MYO1H: variants seen among roughly 807,000 people sequenced by gnomAD.
The protein encoded by MYO1H is unconventional myosin-Ih.
A neutral mutation model predicts 149.3 loss-of-function variants in MYO1H; 118 were observed. The observed-to-expected ratio is 0.79, with a 90% CI of 0.68 to 0.92. The LOEUF (loss-of-function observed/expected upper bound fraction) is 0.92. MYO1H is among the 40% of genes least tolerant of loss of function. MYO1H has a pLI of 0.00. For synonymous variants in MYO1H, 447 were observed against 465.2 expected (o/e 0.96, Z 0.50); for missense variants, 1,212 against 1,280.7 (o/e 0.95, Z 0.82).
chr12:109,388,577 G>T, intron 1 of MYO1H, 106 bp from the exon 2 acceptor site: 1 of 1,011,290 alleles, frequency 9.9e-7, no homozygotes. Flanking sequence ...TTTAATGCTG[G>T]CTCTCTACTA....
At chr12:109,446,097 A>C (rs1374494912) in intron 31 of MYO1H, 2 of 985,196 alleles carry the variant, frequency 2.0e-6, no homozygotes, top group African/African-American at 3.5e-5. Flanking sequence ...GAAAATATAA[A>C]GTTGCTTTTT....
intron 7 of MYO1H, among the ~76,000 whole-genome samples, chr12:109,405,248 G>C (rs12830533): frequency 0.25 from 37,574 of 151,968 alleles, 5,566 homozygotes; most frequent in East Asian, 0.39. Context: ...TAGATAGATA[G>C]ATAATGTTAT....
chr12:109,408,140 C>A (rs779871609), intron 10 of MYO1H, among the ~76,000 whole-genome samples: 3 of 151,998 alleles, frequency 2.0e-5, no homozygotes, highest in Non-Finnish European at 4.4e-5. Context: ...TTGTGGTATG[C>A]CAGATAGCTT....
At chr12:109,377,547 G>T (rs1035317941) in intron 1 of MYO1H, among the ~76,000 whole-genome samples, 5 of 152,138 alleles carry the variant, frequency 3.3e-5, no homozygotes, top group African/African-American at 7.2e-5. Context: ...CAACACTGGG[G>T]ATCAGGTTTC....
At chr12:109,338,064 T>C in the MYO1H span, among the ~76,000 whole-genome samples, 1 of 152,128 alleles carries the variant, frequency 6.6e-6, no homozygotes, top group Non-Finnish European at 1.5e-5. Flanking sequence ...CTTCAAATCA[T>C]TTATTTGATG....
intron 22 of MYO1H, among the ~76,000 whole-genome samples, chr12:109,438,280 C>T (rs1192642003): frequency 6.6e-6 from 1 of 152,078 alleles, no homozygotes; most frequent in African/African-American, 2.4e-5. Flanking sequence ...GGGAAAATGA[C>T]TCCCTCATGT....
chr12:109,438,356 T>C (rs1871961069), intron 22 of MYO1H, among the ~76,000 whole-genome samples, 180 bp from the exon 23 acceptor site: 1 of 152,198 alleles, frequency 6.6e-6, no homozygotes, highest in Non-Finnish European at 1.5e-5. Context: ...GGTTCAGTTG[T>C]TGCCTGAGTA....
At chr12:109,353,481 A>C (rs1377840667) in intron 1 of MYO1H, among the ~76,000 whole-genome samples, 1 of 151,764 alleles carries the variant, frequency 6.6e-6, no homozygotes, top group African/African-American at 2.4e-5. Flanking sequence ...CTAAACTTGT[A>C]ATTCTAGATG....
intron 20 of MYO1H, among the ~76,000 whole-genome samples, chr12:109,433,529 G>A (rs1307926802): frequency 6.6e-6 from 1 of 152,182 alleles, no homozygotes; most frequent in African/African-American, 2.4e-5. Context: ...CGTCTTGTGC[G>A]TCATTTTGGT....
chr12:109,387,427 A>G (rs1310820888), intron 1 of MYO1H, among the ~76,000 whole-genome samples: 2 of 152,184 alleles, frequency 1.3e-5, no homozygotes, highest in African/African-American at 4.8e-5. Context: ...GCATATCCAT[A>G]TGTACCAGTT....
chr12:109,427,723 A>T, intron 19 of MYO1H, 137 bp downstream of exon 19: 1 of 614,536 alleles, frequency 1.6e-6, no homozygotes, highest in Non-Finnish European at 3.0e-6. Context: ...TATGACAGCT[A>T]AAAACACTAA....
the MYO1H span, among the ~76,000 whole-genome samples, chr12:109,313,720 A>C: frequency 3.3e-5 from 5 of 152,194 alleles, no homozygotes; most frequent in Non-Finnish European, 7.3e-5. Context: ...TAACAAAATC[A>C]AGCCTGTTAT....
intron 19 of MYO1H, among the ~76,000 whole-genome samples, chr12:109,429,378 C>T (rs1041473438): frequency 1.8e-4 from 27 of 152,120 alleles, no homozygotes; most frequent in African/African-American, 5.8e-4. Context: ...GCGGGTTCCA[C>T]ATCTGAGGAT....
chr12:109,347,661 G>A (rs559447962), upstream of MYO1H, among the ~76,000 whole-genome samples: 9 of 151,478 alleles, frequency 5.9e-5, no homozygotes, highest in African/African-American at 2.2e-4. Context: ...GTCAGTGACT[G>A]GTCAGGAACA....
intron 14 of MYO1H, among the ~76,000 whole-genome samples, chr12:109,414,824 C>T (rs896345549): frequency 6.6e-6 from 1 of 152,088 alleles, no homozygotes; most frequent in African/African-American, 2.4e-5. Context: ...CCTCCCACCT[C>T]GGCCTCCTGA....
chr12:109,352,734 T>A (rs2136995809), intron 1 of MYO1H, among the ~76,000 whole-genome samples: 1 of 152,334 alleles, frequency 6.6e-6, no homozygotes, highest in African/African-American at 2.4e-5. Context: ...CACTAATGTA[T>A]CTTATTTTGG....
exon 18 of MYO1H, chr12:109,425,978 C>A: frequency 6.2e-7 from 1 of 1,613,852 alleles, no homozygotes; most frequent in Non-Finnish European, 8.5e-7. Context: ...GTCTGAGCAG[C>A]CTTCTAGAAA....
chr12:109,444,459 G>A (rs374677173), exon 30 of MYO1H: 234 of 1,613,792 alleles, frequency 1.5e-4, no homozygotes, highest in Non-Finnish European at 1.9e-4. Flanking sequence ...GTGTGGACAC[G>A]TGTTTGAAGC....
At chr12:109,355,676 T>C (rs1868575265) in intron 1 of MYO1H, among the ~76,000 whole-genome samples, 1 of 151,934 alleles carries the variant, frequency 6.6e-6, no homozygotes. Context: ...TTTTGGTTTG[T>C]TTTTGTTTTG....
Sources: allele counts gnomAD v4.1 joint callset (sites outside exome capture counted in the v4.1 genomes callset), GRCh38; gene constraint gnomAD v4.1.1; transcripts MANE v1.5; gene names NCBI Gene and HGNC (gene_info 2026-07-23, HGNC 2026-07-21).